The following MAPK10 variants were observed in gnomAD, a reference collection of about 807,000 sequenced individuals.
MAPK10 encodes the protein JNK3 alpha protein kinase.
MAPK10 carries 25 observed loss-of-function variants against 59.3 expected under a neutral mutation model. The ratio of observed to expected loss-of-function variants is 0.42; its 90% confidence interval spans 0.31 to 0.59. MAPK10 has a LOEUF of 0.59. Among genes scored for constraint, MAPK10 ranks in the 20% least tolerant of loss-of-function variants. The pLI is 0.15. For synonymous variants in MAPK10, 190 were observed against 200.5 expected (o/e 0.95, Z 0.44); for missense variants, 351 against 568.9 (o/e 0.62, Z 3.90).
At chr4:86,291,241 T>C (rs1053816950) in intron 2 of MAPK10, among the ~76,000 whole-genome samples, 57 of 152,180 alleles carry the variant, frequency 3.7e-4, no homozygotes, top group African/African-American at 1.3e-3. Context: ...TGGGGATAAA[T>C]AAGCAAAAGA....
chr4:86,180,320 G>A (rs78543819), intron 3 of MAPK10, among the ~76,000 whole-genome samples: 1 of 151,436 alleles, frequency 6.6e-6, no homozygotes, highest in Non-Finnish European at 1.5e-5. Context: ...ATTATAAAAA[G>A]GACAAAAAAT....
At chr4:86,345,147 G>A (rs1727381733) in intron 2 of MAPK10, among the ~76,000 whole-genome samples, 1 of 152,142 alleles carries the variant, frequency 6.6e-6, no homozygotes, top group Non-Finnish European at 1.5e-5. Flanking sequence ...GCAAAATTGT[G>A]CATTAGCAAG....
At chr4:86,213,858 A>T (rs2086575093) in intron 2 of MAPK10, among the ~76,000 whole-genome samples, 2 of 152,112 alleles carry the variant, frequency 1.3e-5, no homozygotes, top group South Asian at 4.1e-4. Context: ...GAACACTTAC[A>T]GACTCATTCT....
chr4:86,304,315 G>A (rs17408881), intron 2 of MAPK10, among the ~76,000 whole-genome samples: 1 of 81,628 alleles, frequency 1.2e-5, no homozygotes, highest in South Asian at 6.5e-4. Flanking sequence ...GATGTTTTTT[G>A]TTTCTTCACC....
chr4:86,040,423 C>A (rs2041277836), intron 11 of MAPK10, among the ~76,000 whole-genome samples: 1 of 151,616 alleles, frequency 6.6e-6, no homozygotes, highest in South Asian at 2.1e-4. Flanking sequence ...GCCTTGAAGA[C>A]AAGTTATTTA....
At chr4:86,327,313 G>A (rs889461917) in intron 2 of MAPK10, 1 of 152,040 alleles carries the variant, frequency 6.6e-6, no homozygotes, top group African/African-American at 2.4e-5. Context: ...AAATCTTGGA[G>A]ACTTTGAATA....
At chr4:86,094,343 T>G (rs1263492850) in intron 9 of MAPK10, among the ~76,000 whole-genome samples, 1 of 152,000 alleles carries the variant, frequency 6.6e-6, no homozygotes, top group African/African-American at 2.4e-5. Context: ...CTAACTGCAA[T>G]TTCCTGTTCT....
At chr4:86,163,643 G>A (rs1454893494) in intron 3 of MAPK10, among the ~76,000 whole-genome samples, 1 of 152,110 alleles carries the variant, frequency 6.6e-6, no homozygotes, top group Non-Finnish European at 1.5e-5. Context: ...CTTATAAAAT[G>A]CAAAGTTTCT....
chr4:86,075,996 C>T (rs1480063338), intron 9 of MAPK10, among the ~76,000 whole-genome samples: 2 of 146,524 alleles, frequency 1.4e-5, no homozygotes, highest in Non-Finnish European at 3.1e-5. Context: ...CCCCAGCCCT[C>T]CTGGGGCCTT....
At position 86,287,510 on chromosome 4, in the gene MAPK10, GAAAT is replaced by G. The variant is rs535951420; in HGVS notation, c.-7+67016_-7+67019del. Among the ~76,000 whole-genome samples, 7 of 152,274 alleles carry G rather than the reference GAAAT, an allele frequency of 4.6e-5. No individual in the cohort carries two copies. The South Asian group carries it at 8.3e-4, about 18-fold the overall frequency. ...ACACAGCTGCCATCGTTTTAGGAAA[GAAAT>G]AGTCATGAGTAATGCTTTAACACAC... On this transcript the variant is annotated intron_variant, in intron 2 of 13. Coordinates refer to ENST00000641462, the MANE Select transcript of MAPK10 (RefSeq NM_138982.4).
chr4:86,416,741 G>C (rs1034752079), intron 1 of MAPK10, among the ~76,000 whole-genome samples: 8 of 152,122 alleles, frequency 5.3e-5, no homozygotes, highest in African/African-American at 1.9e-4. Context: ...GCAAAATCTT[G>C]CTCCAGAGGG....
At chr4:86,285,240 T>C (rs922903638) in intron 2 of MAPK10, among the ~76,000 whole-genome samples, 3 of 151,876 alleles carry the variant, frequency 2.0e-5, no homozygotes, top group African/African-American at 7.3e-5. Flanking sequence ...TTTTTTGAGA[T>C]GGAGTCTTGC....
intron 3 of MAPK10, among the ~76,000 whole-genome samples, chr4:86,185,980 G>A (rs1024263893): frequency 6.6e-6 from 1 of 152,014 alleles, no homozygotes; most frequent in African/African-American, 2.4e-5. Context: ...GTTTGGGTTG[G>A]AGATAAAACT....
At chr4:86,034,798 A>G (rs1165276845) in intron 11 of MAPK10, among the ~76,000 whole-genome samples, 1 of 152,102 alleles carries the variant, frequency 6.6e-6, no homozygotes, top group African/African-American at 2.4e-5. Flanking sequence ...TGAGCGAAAG[A>G]TGTGTGGGAG....
chr4:86,164,210 T>A (rs904533786), intron 3 of MAPK10, among the ~76,000 whole-genome samples: 4 of 152,192 alleles, frequency 2.6e-5, no homozygotes, highest in Non-Finnish European at 5.9e-5. Context: ...TTTCATTTAT[T>A]ATTTATATTC....
At chr4:86,226,659 G>A (rs559407412) in intron 2 of MAPK10, among the ~76,000 whole-genome samples, 1 of 152,116 alleles carries the variant, frequency 6.6e-6, no homozygotes, top group South Asian at 2.1e-4. Context: ...ATTCCAAGAG[G>A]AAGTCATCAC....
At chr4:86,290,781 C>T (rs1032506894) in intron 2 of MAPK10, among the ~76,000 whole-genome samples, 1 of 152,108 alleles carries the variant, frequency 6.6e-6, no homozygotes, top group South Asian at 2.1e-4. Context: ...ATAAAGTTGA[C>T]CTTTTTCCTT....
intron 11 of MAPK10, among the ~76,000 whole-genome samples, chr4:86,037,762 C>T (rs1405256024): frequency 6.6e-6 from 1 of 152,122 alleles, no homozygotes; most frequent in African/African-American, 2.4e-5. Flanking sequence ...ACTGAGAAAG[C>T]ATAAGTGATT....
intron 1 of MAPK10, among the ~76,000 whole-genome samples, chr4:86,427,469 TTTC>T (rs1747453285): frequency 6.6e-6 from 1 of 152,142 alleles, no homozygotes; most frequent in African/African-American, 2.4e-5. Flanking sequence ...AAAGGATGCG[TTTC>T]TTGTCTTCAT....
Sources: allele counts gnomAD v4.1 joint callset (sites outside exome capture counted in the v4.1 genomes callset), GRCh38; gene constraint gnomAD v4.1.1; transcripts MANE v1.5; gene names NCBI Gene and HGNC (gene_info 2026-07-23, HGNC 2026-07-21).